TESK2: variants seen among roughly 807,000 people sequenced by gnomAD.
TESK2 encodes dual specificity testis-specific protein kinase 2.
A neutral mutation model predicts 57.1 loss-of-function variants in TESK2; 39 were observed. The observed-to-expected ratio is 0.68, with a 90% CI of 0.53 to 0.89. The LOEUF is 0.89. Ranked by LOEUF, TESK2 falls within the 40% of genes least tolerant of loss-of-function variation. TESK2 has a pLI of 0.00. For missense variants in TESK2, 646 were observed against 732.1 expected (o/e 0.88, Z 1.36); for synonymous variants, 249 against 267.9 (o/e 0.93, Z 0.69).
rs778317396 is a variant in TESK2, at chr1:45,345,235, C to G, written c.1321G>C (p.Ala441Pro). The G allele has an allele frequency of 6.2e-7, 1 of 1,614,070 alleles. No individual in the cohort carries two copies. The highest frequency in any genetic ancestry group is 8.5e-7 in the Non-Finnish European group (1 of 1,180,052). ...GGGGCCAGGGGCTCCTGCCAGTCAGCCAGGGGCATAGTTCCGGGCCCTGGT... is the reference window on the plus strand; with the variant it reads ...GGGGCCAGGGGCTCCTGCCAGTCAGGCAGGGGCATAGTTCCGGGCCCTGGT... ...DAPGPGTMPLADWQEPLAPPI... is the reference protein window; with the variant it reads ...DAPGPGTMPLPDWQEPLAPPI... Residue 441 changes from alanine (A) to proline (P), a missense_variant, in exon 11 of 11, where the codon GCT becomes CCT. Coordinates refer to ENST00000372086, the MANE Select transcript of TESK2 (RefSeq NM_007170.3).
intron 4 of TESK2, among the ~76,000 whole-genome samples, chr1:45,364,442 AG>A (rs1288081955): frequency 6.6e-6 from 1 of 152,222 alleles, no homozygotes; most frequent in Non-Finnish European, 1.5e-5. Flanking sequence ...AAAGGCAAGA[AG>A]GATCTTCCCG....
chr1:45,372,892 G>C (rs1265030959), intron 4 of TESK2, among the ~76,000 whole-genome samples: 1 of 151,808 alleles, frequency 6.6e-6, no homozygotes, highest in African/African-American at 2.4e-5. Context: ...GCTGGGCGTA[G>C]TGGTGCATGC....
Position 45,347,021 on chromosome 1 carries a change from G to A in TESK2, c.750C>T (p.Ile250=), listed in dbSNP as rs748628527. The A allele has an allele frequency of 6.2e-6, 10 of 1,614,088 alleles. No homozygotes were observed. Among genetic ancestry groups the A allele is most frequent in the South Asian group, 5.5e-5 (5 of 91,092 alleles). ...AGTCCGGATCGGCCTGGATGCGGGC[G>A]ATGATCTCGCAGAGGATGATACCAT... ...FSYGIILCEI[I]ARIQADPDYL... The change falls in exon 8 of 11, where the codon ATC becomes ATT. Residue 250 remains isoleucine, a synonymous_variant. Transcript: ENST00000372086.
intron 1 of TESK2, among the ~76,000 whole-genome samples, chr1:45,486,997 AT>A (rs904088604): frequency 2.0e-4 from 29 of 147,074 alleles, no homozygotes; most frequent in Admixed American, 1.1e-3. Context: ...TAATTTTTGT[AT>A]TTTTTTTTTC....
chr1:45,347,174 T>C, intron 7 of TESK2, 112 bp from the exon 8 acceptor site: 1 of 849,816 alleles, frequency 1.2e-6, no homozygotes, highest in Non-Finnish European at 1.9e-6. Flanking sequence ...GCCTGGGCCA[T>C]ATTGCCCATA....
intron 3 of TESK2, among the ~76,000 whole-genome samples, chr1:45,419,533 C>T (rs1204895466): frequency 1.3e-5 from 2 of 151,858 alleles, no homozygotes; most frequent in South Asian, 2.1e-4. Flanking sequence ...TGGCCAGGTG[C>T]GGTGGCTCAC....
At chr1:45,346,264 G>C (rs901117656) in intron 9 of TESK2, among the ~76,000 whole-genome samples, 1 of 152,086 alleles carries the variant, frequency 6.6e-6, no homozygotes, top group African/African-American at 2.4e-5. Flanking sequence ...CTTGAGTTCT[G>C]CTCCTAATGT....
intron 1 of TESK2, among the ~76,000 whole-genome samples, chr1:45,467,801 A>T (rs1311882153): frequency 6.6e-6 from 1 of 152,130 alleles, no homozygotes; most frequent in Non-Finnish European, 1.5e-5. Flanking sequence ...TTTTAGTCCT[A>T]GGAATATATA....
At chr1:45,372,829 C>T (rs955746172) in intron 4 of TESK2, among the ~76,000 whole-genome samples, 5 of 151,348 alleles carry the variant, frequency 3.3e-5, no homozygotes, top group Non-Finnish European at 4.4e-5. Flanking sequence ...ATCTGGAGTT[C>T]GAGACCAGCC....
intron 4 of TESK2, 60 bp downstream of exon 4, chr1:45,385,852 G>A: frequency 7.9e-7 from 1 of 1,270,536 alleles, no homozygotes; most frequent in South Asian, 1.3e-5. Context: ...CACTTACTAT[G>A]GAACTATAAA....
intron 3 of TESK2, among the ~76,000 whole-genome samples, chr1:45,405,991 G>A (rs1053404424): frequency 1.2e-4 from 18 of 152,138 alleles, no homozygotes; most frequent in African/African-American, 4.3e-4. Flanking sequence ...GGGAGGCCAG[G>A]GTGGGAGGAC....
intron 1 of TESK2, among the ~76,000 whole-genome samples, chr1:45,473,797 ATT>A (rs35373358): frequency 1.0e-3 from 146 of 143,540 alleles, no homozygotes; most frequent in Non-Finnish European, 1.1e-3. Context: ...ACAATTAGGG[ATT>A]TTTTTTTTTT....
At chr1:45,392,674 C>T (rs1337162031) in intron 3 of TESK2, among the ~76,000 whole-genome samples, 6 of 151,508 alleles carry the variant, frequency 4.0e-5, no homozygotes, top group Non-Finnish European at 8.8e-5. Flanking sequence ...GCACTCCGGC[C>T]TGGGCAACAA....
chr1:45,455,806 G>C (rs1046353367), intron 2 of TESK2, among the ~76,000 whole-genome samples: 1 of 151,988 alleles, frequency 6.6e-6, no homozygotes, highest in Non-Finnish European at 1.5e-5. Context: ...ACATTAGAAA[G>C]AAAGAAGCTG....
intron 3 of TESK2, among the ~76,000 whole-genome samples, chr1:45,389,015 C>T (rs753047370): frequency 3.9e-5 from 6 of 152,036 alleles, no homozygotes; most frequent in Admixed American, 6.6e-5. Context: ...CCACCGCGCC[C>T]GGCCGAGAGG....
At chr1:45,376,268 A>G (rs1648422545) in intron 4 of TESK2, among the ~76,000 whole-genome samples, 1 of 131,934 alleles carries the variant, frequency 7.6e-6, no homozygotes, top group South Asian at 2.3e-4. Flanking sequence ...CCCAGGATAG[A>G]GCATAGTGGT....
At chr1:45,490,197 G>A (rs138745544) in intron 1 of TESK2, among the ~76,000 whole-genome samples, 1 of 152,170 alleles carries the variant, frequency 6.6e-6, no homozygotes, top group African/African-American at 2.4e-5. Flanking sequence ...CATGCAGCAT[G>A]AAGTCCAAAT....
At chr1:45,395,609 CTT>C (rs201678906) in intron 3 of TESK2, among the ~76,000 whole-genome samples, 58 of 132,436 alleles carry the variant, frequency 4.4e-4, no homozygotes, top group Non-Finnish European at 4.4e-4. Context: ...CTTTTCTTTT[CTT>C]TTTTTTTTTT....
chr1:45,356,164 T>C (rs1345124301), intron 4 of TESK2, among the ~76,000 whole-genome samples: 3 of 151,944 alleles, frequency 2.0e-5, no homozygotes, highest in Admixed American at 1.3e-4. Flanking sequence ...AGTGGAGGCA[T>C]TGGAACAAGG....
Sources: allele counts gnomAD v4.1 joint callset (sites outside exome capture counted in the v4.1 genomes callset), GRCh38; gene constraint gnomAD v4.1.1; transcripts MANE v1.5; gene names NCBI Gene and HGNC (gene_info 2026-07-23, HGNC 2026-07-21).